The following OR2V1 variants were observed in gnomAD, a reference collection of about 807,000 sequenced individuals.
OR2V1 encodes the protein olfactory receptor 2V1.
A neutral mutation model predicts 15.0 loss-of-function variants in OR2V1; 18 were observed. The observed-to-expected ratio is 1.20, with a 90% CI of 0.83 to 1.78. The LOEUF (loss-of-function observed/expected upper bound fraction) is 1.78, where lower values mean the gene tolerates loss of function less well. Among genes scored for constraint, OR2V1 ranks in the 40% most tolerant of loss-of-function variants. OR2V1 has a pLI of 0.00. For missense variants in OR2V1, 359 were observed against 392.9 expected, an observed-to-expected ratio of 0.91 and a Z score of 0.73; for synonymous variants, 144 against 146.1, an observed-to-expected ratio of 0.99 and a Z score of 0.10.
In OR2V1 at chr5:181,125,232, C is replaced by T; in HGVS notation, c.73G>A (p.Asp25Asn). Residue 25 changes from aspartate (D) to asparagine (N), a missense_variant, in exon 4 of 4, where the codon GAC (aspartate) becomes AAC (asparagine). Coordinates refer to ENST00000641551, the MANE Select transcript of OR2V1 (RefSeq NM_001258283.2). ...LLGIFSHSQTDLVLFSAVMVV... is the reference protein window; with the variant it reads ...LLGIFSHSQTNLVLFSAVMVV... ...ATAACTGCAGAGAAGAGGACAAGGTCAGTCTGGCTGTGGGAAAAGATGCCC... is the reference window on the plus strand; with the variant it reads ...ATAACTGCAGAGAAGAGGACAAGGTTAGTCTGGCTGTGGGAAAAGATGCCC... 6.2e-7 allele frequency: 1 copy of T among 1,614,096 alleles called. No individual in the cohort carries two copies. Among genetic ancestry groups the T allele is most frequent in the African/African-American group, 1.3e-5 (1 of 75,062 alleles).
intron 3 of OR2V1, among the ~76,000 whole-genome samples, chr5:181,127,561 G>A (rs576122082): frequency 2.0e-5 from 3 of 152,184 alleles, no homozygotes; most frequent in Admixed American, 1.3e-4. Flanking sequence ...CCAGGACCCC[G>A]GGGAATTTCC....
chr5:181,127,265 A>G (rs1398697191), intron 3 of OR2V1, among the ~76,000 whole-genome samples: 2 of 152,138 alleles, frequency 1.3e-5, no homozygotes, highest in Non-Finnish European at 2.9e-5. Context: ...ACAAAATAAT[A>G]TGTGATGGAG....
intron 3 of OR2V1, among the ~76,000 whole-genome samples, chr5:181,128,208 AC>A (rs1561624138): frequency 6.6e-5 from 10 of 150,604 alleles, no homozygotes; most frequent in Admixed American, 2.0e-4. Flanking sequence ...ACACACACAC[AC>A]ACACACACAC....
chr5:181,128,997 G>T (rs986358049), intron 3 of OR2V1, among the ~76,000 whole-genome samples: 1 of 152,178 alleles, frequency 6.6e-6, no homozygotes, highest in Non-Finnish European at 1.5e-5. Flanking sequence ...AAAGGCTGAG[G>T]CAGAAGGATA....
chr5:181,128,738 C>T lies in OR2V1; in HGVS notation c.-22+782G>A, dbSNP rs113771460. 5.6e-3 allele frequency among the ~76,000 whole-genome samples: 846 copies of T among 152,264 alleles called. 10 individuals carry two copies. Among genetic ancestry groups the T allele is most frequent in the African/African-American group, 0.019 (800 of 41,532 alleles). ...GCTGAAATCCTTCTTCTTCTGCCTC[C>T]CTTCCCTGCCTTGGTTCCCACAGCA... is the stretch of plus-strand genomic sequence containing the variant. On this transcript the variant is annotated intron_variant, in intron 3 of 3. Coordinates refer to ENST00000641551, the MANE Select transcript of OR2V1 (RefSeq NM_001258283.2).
rs774888258 is a variant in OR2V1, at chr5:181,124,556, G to C, written c.749C>G (p.Thr250Ser). 1.2e-5 allele frequency: 20 copies of C among 1,613,128 alleles called. No homozygotes were observed. Among genetic ancestry groups the C allele is most frequent in the Non-Finnish European group, 1.5e-5 (18 of 1,179,540 alleles). The change falls in exon 4 of 4, where the codon ACC (threonine) becomes AGC (serine). Residue 250 changes from threonine to serine, a missense_variant. Physicochemically the swap from Thr to Ser is moderately conservative, Grantham distance 58 (BLOSUM62 1). Transcript: ENST00000641551. Reference sequence around the variant, plus strand: ...GAACATGGCTGCCCCATAGAAGAGGGTGACAGCTGTTAGGTGGGAGGAGCA... The same window carrying C: ...GAACATGGCTGCCCCATAGAAGAGGCTGACAGCTGTTAGGTGGGAGGAGCA... The part of the protein sequence containing the change: ...ATCSSHLTAV[T>S]LFYGAAMFMY...
rs1462362763 is a variant in OR2V1, at chr5:181,124,441, G to A, written c.864C>T (p.Pro288=). ...CCCCATTCCTCAAGCTGTAAATGAG[G>A]GGGTTCAGCATGGGAGTAAGGACTG... ...FYTVLTPMLN[P]LIYSLRNGEV... The change falls in exon 4 of 4, where the codon CCC becomes CCT. Residue 288 remains proline (P), a synonymous_variant. Coordinates refer to ENST00000641551, the MANE Select transcript of OR2V1 (RefSeq NM_001258283.2). 6.2e-7 allele frequency: 1 copy of A among 1,613,906 alleles called. No individual in the cohort carries two copies. Among genetic ancestry groups the A allele is most frequent in the African/African-American group, 1.3e-5 (1 of 75,028 alleles).
intron 2 of OR2V1, among the ~76,000 whole-genome samples, chr5:181,129,926 G>A (rs1411480954): frequency 4.6e-5 from 7 of 152,156 alleles, no homozygotes; most frequent in Non-Finnish European, 7.3e-5. Context: ...AAGGGGAGTA[G>A]GACACCAAGG....
chr5:181,125,170 G>T lies in OR2V1; in HGVS notation c.135C>A (p.Leu45=). ...CGTCCAGGTAGATGAGGAAGATGAG[G>T]AGGACATTCCCACAGAGGGCCACTG... ...VFTVALCGNV[L]LIFLIYLDAG... is the part of the protein sequence containing the mutation. The change falls in exon 4 of 4, where the codon CTC becomes CTA. Residue 45 remains leucine (L), a synonymous_variant. Transcript: ENST00000641551. 6.2e-7 allele frequency: 1 copy of T among 1,612,978 alleles called. No individual in the cohort carries two copies. Among genetic ancestry groups the T allele is most frequent in the South Asian group, 1.1e-5 (1 of 91,070 alleles).
At chr5:181,125,536 GA>G (rs1365982454) in intron 3 of OR2V1, among the ~76,000 whole-genome samples, 1 of 152,222 alleles carries the variant, frequency 6.6e-6, no homozygotes, top group Non-Finnish European at 1.5e-5. Flanking sequence ...ATCATTTCAT[GA>G]GACCCAGGAC....
chr5:181,126,515 GACAC>G lies in OR2V1; in HGVS notation c.-21-1194_-21-1191del, dbSNP rs531733562. 9.8e-4 allele frequency among the ~76,000 whole-genome samples: 144 copies of G among 147,384 alleles called. 1 individual carries two copies. In the South Asian group the frequency reaches 0.03, roughly 31 times the overall value. The stretch of plus-strand genomic sequence containing the variant: ...AGACACACACACAGACAGACATATA[GACAC>G]ACACACAGACACATGGAAATACACA... On this transcript the variant is annotated intron_variant, in intron 3 of 3. Transcript: ENST00000641551.
chr5:181,125,358 GAC>G, intron 3 of OR2V1, 33 bp from the exon 4 acceptor site: 1 of 1,503,002 alleles, frequency 6.7e-7, no homozygotes, highest in Non-Finnish European at 9.1e-7. Flanking sequence ...AAGATTGAGT[GAC>G]ATGTCTCTAT....
chr5:181,129,066 C>CA (rs888671896), intron 3 of OR2V1, among the ~76,000 whole-genome samples: 25 of 152,118 alleles, frequency 1.6e-4, no homozygotes, highest in African/African-American at 6.0e-4. Context: ...CATCTCTATT[C>CA]AAAAAACAGA....
rs1561622393 is a variant in OR2V1 at position 181,124,242 on chromosome 5, A to G, written c.*115T>C. The G allele has an allele frequency of 2.9e-6, 3 of 1,041,138 alleles. No individual in the cohort carries two copies. The highest frequency in any genetic ancestry group is 3.2e-5 in the African/African-American group (2 of 62,320). The allele number at this position is 1,041,138 out of a possible 1,614,324, so 64.5% of individuals were successfully genotyped here. A position where few individuals can be genotyped will look rare whatever the true frequency, so the allele number is the denominator to read the frequency against. On this transcript the variant is annotated 3_prime_UTR_variant, in exon 4 of 4. Transcript: ENST00000641551. The stretch of plus-strand genomic sequence containing the variant: ...GCTTTTCTCATGATGGCCAAAACCT[A>G]TAAACCATCCAATGACCATCAACAG...
At chr5:181,126,420 C>CCACACACACACACACA (rs10532191) in intron 3 of OR2V1, among the ~76,000 whole-genome samples, 1 of 140,916 alleles carries the variant, frequency 7.1e-6, no homozygotes, top group African/African-American at 2.6e-5. Flanking sequence ...ACATCACACA[C>CCACACACACACACACA]CACACACACA....
chr5:181,128,606 A>G (rs34529835), intron 3 of OR2V1, among the ~76,000 whole-genome samples: 85,005 of 152,004 alleles, frequency 0.56, 24,092 homozygotes, highest in Middle Eastern at 0.62. Flanking sequence ...GGGCCTGGAC[A>G]CTTTCTCTCA....
Position 181,124,741 on chromosome 5 carries a change from C to T in OR2V1, c.564G>A (p.Leu188=). ...CAAAAAGGGAAGTGTCTGCACAGGC[C>T]AGCTTCAATAAAGCTTGTACCTCAC... The part of the protein sequence containing the change: ...FFCEVQALLK[L]ACADTSLFDT... Residue 188 remains leucine (L), a synonymous_variant, in exon 4 of 4, where the codon CTG becomes CTA. Transcript: ENST00000641551. 2 of 1,609,124 alleles carry T rather than the reference C, an allele frequency of 1.2e-6. No homozygotes were observed. Among genetic ancestry groups the T allele is most frequent in the Non-Finnish European group, 1.7e-6 (2 of 1,179,418 alleles).
chr5:181,127,858 G>A (rs139901463), intron 3 of OR2V1, among the ~76,000 whole-genome samples: 3 of 151,408 alleles, frequency 2.0e-5, no homozygotes, highest in East Asian at 2.0e-4. Context: ...CCCTACCACC[G>A]TGTCCAGAGG....
intron 3 of OR2V1, among the ~76,000 whole-genome samples, chr5:181,126,268 C>T (rs540494903): frequency 2.6e-5 from 4 of 152,306 alleles, no homozygotes; most frequent in Admixed American, 2.6e-4. Context: ...TATCCTTGAA[C>T]TCTTGAGTCT....
Sources: gnomAD v4.1 joint callset for allele counts (sites outside exome capture counted in the v4.1 genomes callset) on GRCh38, gnomAD v4.1.1 for gene constraint, MANE v1.5 for transcripts, NCBI Gene and HGNC (gene_info 2026-07-23, HGNC 2026-07-21) for gene names.